The following FAM120C variants were observed in gnomAD, a reference collection of about 807,000 sequenced individuals.
FAM120C encodes constitutive coactivator of PPAR-gamma-like protein 2.
Under a neutral mutation model 71.2 loss-of-function variants are expected in FAM120C, and 14 were observed. The ratio of observed to expected loss-of-function variants is 0.20; its 90% CI spans 0.13 to 0.31. The LOEUF is 0.31. FAM120C is among the 10% of genes least tolerant of loss of function. FAM120C has a pLI of 1.00. For synonymous variants in FAM120C, 354 were observed against 353.2 expected, an observed-to-expected ratio of 1.00 and a Z score of -0.03; for missense variants, 500 against 879.0, an observed-to-expected ratio of 0.57 and a Z score of 5.45.
chrX:54,105,191 A>C (rs1385991108), intron 10 of FAM120C, among the ~76,000 whole-genome samples: 2 of 111,975 alleles, frequency 1.8e-5, no homozygotes, highest in Admixed American at 1.9e-4. Flanking sequence ...CCAGCAGCAC[A>C]TCAAAAACCT....
chrX:54,103,423 A>G (rs1308725909), intron 10 of FAM120C, among the ~76,000 whole-genome samples: 3 of 112,087 alleles, frequency 2.7e-5, no homozygotes, highest in East Asian at 5.6e-4. Flanking sequence ...TCTCAAGGTC[A>G]GCAAATCATT....
chrX:54,079,186 C>T (rs182202279), intron 15 of FAM120C, among the ~76,000 whole-genome samples: 5 of 102,744 alleles, frequency 4.9e-5, no homozygotes, highest in Admixed American at 2.2e-4. Context: ...GGTGTGAACC[C>T]GGGAGGCGGA....
chrX:54,081,233 A>G (rs2066763123), intron 14 of FAM120C, 89 bp downstream of exon 14: 2 of 922,176 alleles, frequency 2.2e-6, no homozygotes, highest in African/African-American at 4.0e-5. Flanking sequence ...TTGCCTTAAT[A>G]GAAGGATTTA....
chrX:54,080,326 A>G, intron 14 of FAM120C, 37 bp from the exon 15 acceptor site: 1 of 1,122,771 alleles, frequency 8.9e-7, no homozygotes, highest in Non-Finnish European at 1.2e-6. Context: ...CATGAGAAAC[A>G]TAAAGCCCAC....
intron 5 of FAM120C, 95 bp downstream of exon 5, chrX:54,136,396 C>T (rs781787958): frequency 5.3e-5 from 31 of 588,942 alleles, no homozygotes; most frequent in African/African-American, 5.1e-4. Flanking sequence ...GGATATAACA[C>T]GAATGAGTGA....
intron 1 of FAM120C, among the ~76,000 whole-genome samples, chrX:54,163,996 G>A (rs1254268129): frequency 3.7e-5 from 4 of 108,062 alleles, no homozygotes; most frequent in African/African-American, 1.3e-4. Flanking sequence ...GCAGTGGCGC[G>A]ATCTCGGCTC....
At chrX:54,143,975 T>G (rs1557132067) in intron 4 of FAM120C, among the ~76,000 whole-genome samples, 2 of 111,311 alleles carry the variant, frequency 1.8e-5, no homozygotes, top group East Asian at 2.8e-4. Context: ...ATGATCAAGC[T>G]GGCTTCATCC....
intron 3 of FAM120C, among the ~76,000 whole-genome samples, chrX:54,155,301 G>C: frequency 8.9e-6 from 1 of 112,334 alleles, no homozygotes; most frequent in Non-Finnish European, 1.9e-5. Context: ...AAGTGGAAAA[G>C]ACAAGGAAGC....
intron 13 of FAM120C, among the ~76,000 whole-genome samples, chrX:54,083,668 T>C (rs1317528689): frequency 9.0e-6 from 1 of 110,739 alleles, no homozygotes; most frequent in African/African-American, 3.3e-5. Flanking sequence ...CCTTCATTTA[T>C]ATAAAACTTT....
intron 10 of FAM120C, among the ~76,000 whole-genome samples, chrX:54,092,368 A>G (rs781895626): frequency 9.0e-6 from 1 of 110,658 alleles, no homozygotes; most frequent in East Asian, 2.8e-4. Context: ...ATGTGGTGAA[A>G]CCCTGTCTCT....
At chrX:54,095,618 A>G (rs1557123154) in intron 10 of FAM120C, among the ~76,000 whole-genome samples, 1 of 111,164 alleles carries the variant, frequency 9.0e-6, no homozygotes, top group East Asian at 2.8e-4. Context: ...AAGTGTTGGT[A>G]TTACAGGCGT....
At chrX:54,104,219 T>A (rs922067433) in intron 10 of FAM120C, among the ~76,000 whole-genome samples, 5 of 111,605 alleles carry the variant, frequency 4.5e-5, no homozygotes, top group African/African-American at 1.6e-4. Flanking sequence ...AAGTGATGAC[T>A]ATTGTATGCG....
chrX:54,175,463 G>A, intron 1 of FAM120C, among the ~76,000 whole-genome samples: 1 of 110,571 alleles, frequency 9.0e-6, no homozygotes, highest in Non-Finnish European at 1.9e-5. Flanking sequence ...AAGCATGAGA[G>A]TGAGGTGATC....
chrX:54,117,354 A>AAAAATAAAAT (rs140650427), intron 9 of FAM120C, among the ~76,000 whole-genome samples: 1,165 of 60,342 alleles, frequency 0.019, 72 homozygotes, highest in African/African-American at 0.071. Flanking sequence ...TCCTGTCTCT[A>AAAAATAAAAT]AAAATAAAAT....
chrX:54,106,126 A>C (rs1557124832), intron 10 of FAM120C, among the ~76,000 whole-genome samples: 1 of 111,797 alleles, frequency 8.9e-6, no homozygotes, highest in Non-Finnish European at 1.9e-5. Context: ...AAAAGAACAA[A>C]GCTGGAGGCA....
chrX:54,160,560 T>C (rs782172105), intron 1 of FAM120C, among the ~76,000 whole-genome samples: 1 of 111,677 alleles, frequency 9.0e-6, no homozygotes, highest in South Asian at 3.8e-4. Context: ...TTCCTGTACA[T>C]GCCTCTATTG....
chrX:54,144,787 A>AATCAATGAATCAAG (rs1484916708), intron 4 of FAM120C, among the ~76,000 whole-genome samples: 1 of 103,538 alleles, frequency 9.7e-6, no homozygotes, highest in East Asian at 3.2e-4. Flanking sequence ...GCTACCAATG[A>AATCAATGAATCAAG]CTTTCTTCAC....
At chrX:54,128,270 G>C (rs1312034156) in intron 9 of FAM120C, among the ~76,000 whole-genome samples, 1 of 111,454 alleles carries the variant, frequency 9.0e-6, no homozygotes, top group Non-Finnish European at 1.9e-5. Context: ...TGTTGGCCAG[G>C]CTGGTTTCAA....
chrX:54,149,119 T>TA (rs2067171803), intron 4 of FAM120C, among the ~76,000 whole-genome samples: 2 of 112,163 alleles, frequency 1.8e-5, no homozygotes. Flanking sequence ...CTTATGTTCA[T>TA]ACAAAAACCT....
Sources: gnomAD v4.1 joint callset for allele counts (sites outside exome capture counted in the v4.1 genomes callset) on GRCh38, gnomAD v4.1.1 for gene constraint, MANE v1.5 for transcripts, NCBI Gene and HGNC (gene_info 2026-07-23, HGNC 2026-07-21) for gene names.